Variants in PACSIN2 observed in about 807,000 individuals in gnomAD.
PACSIN2 encodes the protein protein kinase C and casein kinase substrate in neurons protein 2.
PACSIN2 carries 25 observed loss-of-function variants against 63.8 expected under a neutral mutation model. The observed-to-expected ratio is 0.39, with a 90% CI of 0.29 to 0.55. PACSIN2 has a LOEUF of 0.55. Among genes scored for constraint, PACSIN2 ranks in the 20% least tolerant of loss-of-function variants. The probability of loss-of-function intolerance (pLI) is 0.62; values close to 1 mark genes in which losing one functional copy is unlikely to be tolerated. For synonymous variants in PACSIN2, 255 were observed against 256.2 expected (o/e 1.00, Z 0.05); for missense variants, 518 against 646.9 (o/e 0.80, Z 2.16).
Position 42,913,106 on chromosome 22 carries a change from C to A in PACSIN2, c.-77-949G>T, listed in dbSNP as rs936554828. Among the ~76,000 whole-genome samples the A allele has an allele frequency of 2.6e-5, 4 of 152,196 alleles. No homozygotes were observed. The East Asian group carries it at 7.7e-4, about 29-fold the overall frequency. On this transcript the variant is annotated intron_variant, in intron 1 of 10. Transcript: ENST00000263246. The stretch of plus-strand genomic sequence containing the variant: ...AGAGTCAGACTACCTAGGCTTAAAT[C>A]CCAGACCCATTACTTATGAGGTGGG...
At chr22:43,005,911 C>T (rs1924061052) in intron 1 of PACSIN2, among the ~76,000 whole-genome samples, 1 of 152,072 alleles carries the variant, frequency 6.6e-6, no homozygotes, top group Non-Finnish European at 1.5e-5. Flanking sequence ...CCTTTGGAAG[C>T]TAATTAGGCA....
intron 2 of PACSIN2, among the ~76,000 whole-genome samples, chr22:42,903,929 C>T (rs1930879488): frequency 6.6e-6 from 1 of 152,146 alleles, no homozygotes; most frequent in South Asian, 2.1e-4. Flanking sequence ...AAATGGAGCT[C>T]ACTACCCTGA....
At position 42,994,652 on chromosome 22, in the gene PACSIN2, T is replaced by C. The variant is rs116380558; in HGVS notation, c.-78+20369A>G. Among the ~76,000 whole-genome samples the C allele has an allele frequency of 5.2e-3, 787 of 152,274 alleles. 3 individuals carry two copies. Among genetic ancestry groups the C allele is most frequent in the African/African-American group, 0.018 (751 of 41,566 alleles). On this transcript the variant is annotated intron_variant, in intron 1 of 10. Coordinates refer to ENST00000263246, the MANE Select transcript of PACSIN2 (RefSeq NM_001184970.3). ...AGGGTCTCTGTCCCTGTGCATGGCC[T>C]AAAGGGAGAGGCACAAGTTTTAGGG...
intron 1 of PACSIN2, among the ~76,000 whole-genome samples, chr22:42,966,400 C>T (rs1292868730): frequency 1.3e-5 from 2 of 149,906 alleles, no homozygotes; most frequent in Admixed American, 6.7e-5. Context: ...ACTCATCCAA[C>T]ACGTGTACAT....
chr22:42,999,055 A>G (rs1275106619), intron 1 of PACSIN2, among the ~76,000 whole-genome samples: 2 of 152,178 alleles, frequency 1.3e-5, no homozygotes, highest in Non-Finnish European at 2.9e-5. Flanking sequence ...TTCTTCCTGG[A>G]CGCCAGATAA....
intron 3 of PACSIN2, among the ~76,000 whole-genome samples, chr22:42,891,510 C>T (rs1929913398): frequency 6.6e-6 from 1 of 152,146 alleles, no homozygotes; most frequent in South Asian, 2.1e-4. Flanking sequence ...AAGAGATTCT[C>T]CTGCCTCAGC....
Position 43,012,144 on chromosome 22 carries a change from AAAAT to A in PACSIN2, c.-78+2873_-78+2876del, listed in dbSNP as rs545874406. 1.7e-3 allele frequency among the ~76,000 whole-genome samples: 234 copies of A among 136,152 alleles called. 1 individual carries two copies. Among genetic ancestry groups the A allele is most frequent in the South Asian group, 8.4e-3 (36 of 4,294 alleles). 89.3% of individuals were successfully genotyped at this position (136,152 alleles called of 152,430 possible). A position where few individuals can be genotyped will look rare whatever the true frequency, so the allele number is the denominator to read the frequency against. ...GGGCGACAGAGCGAGACTCTGTCTCAAAATAAATAAATACATACATACATACATA... is the reference window on the plus strand; with the variant it reads ...GGGCGACAGAGCGAGACTCTGTCTCAAAATAAATACATACATACATACATA... On this transcript the variant is annotated intron_variant, in intron 1 of 10. Transcript: ENST00000263246.
At chr22:42,963,520 C>T (rs894738115) in intron 1 of PACSIN2, among the ~76,000 whole-genome samples, 2 of 152,216 alleles carry the variant, frequency 1.3e-5, no homozygotes, top group East Asian at 1.9e-4. Flanking sequence ...TCCAGCAAGG[C>T]TGCTGCTTCT....
intron 1 of PACSIN2, among the ~76,000 whole-genome samples, chr22:42,989,871 TATATATATATATATACACACACACACAC>T (rs2146901292): frequency 1.8e-5 from 1 of 56,708 alleles, no homozygotes; most frequent in East Asian, 2.6e-4. Flanking sequence ...AAAAAAAATA[TATATATATATATATACACACACACACAC>T]ATATATGTAT....
At chr22:43,010,480 C>T (rs1392153864) in intron 1 of PACSIN2, among the ~76,000 whole-genome samples, 3 of 151,156 alleles carry the variant, frequency 2.0e-5, no homozygotes, top group Non-Finnish European at 4.4e-5. Context: ...GAGGCAGAGG[C>T]GGGCAGATCA....
intron 1 of PACSIN2, among the ~76,000 whole-genome samples, chr22:42,991,828 A>C (rs971681633): frequency 1.5e-5 from 2 of 133,778 alleles, no homozygotes; most frequent in African/African-American, 5.7e-5. Flanking sequence ...AAAAAAAAAA[A>C]AACCTTCAAT....
intron 1 of PACSIN2, among the ~76,000 whole-genome samples, chr22:42,927,445 C>T (rs56114348): frequency 0.024 from 3,698 of 152,236 alleles, 146 homozygotes; most frequent in African/African-American, 0.086. Context: ...GACAGGGTTT[C>T]GCCATGTTGG....
chr22:42,953,785 C>A (rs914367879), intron 1 of PACSIN2, among the ~76,000 whole-genome samples: 5 of 152,198 alleles, frequency 3.3e-5, no homozygotes, highest in Admixed American at 6.5e-5. Context: ...AACCACTATA[C>A]TATGATGTCT....
At chr22:42,951,936 C>G (rs1933712235) in intron 1 of PACSIN2, among the ~76,000 whole-genome samples, 1 of 152,204 alleles carries the variant, frequency 6.6e-6, no homozygotes, top group African/African-American at 2.4e-5. Flanking sequence ...TTTGCACCTG[C>G]CTCCCCTCTG....
intron 1 of PACSIN2, among the ~76,000 whole-genome samples, chr22:42,995,252 C>T (rs996359473): frequency 6.6e-6 from 1 of 152,238 alleles, no homozygotes; most frequent in Non-Finnish European, 1.5e-5. Context: ...AGAGGAGGAG[C>T]TCTGCTTCTG....
intron 1 of PACSIN2, among the ~76,000 whole-genome samples, chr22:43,009,767 G>C (rs948946963): frequency 2.6e-5 from 4 of 151,850 alleles, no homozygotes; most frequent in African/African-American, 9.7e-5. Context: ...CACCACACAT[G>C]CACTTTCCAA....
chr22:42,876,035 G>C, intron 10 of PACSIN2, 102 bp downstream of exon 10: 1 of 992,610 alleles, frequency 1.0e-6, no homozygotes, highest in South Asian at 1.7e-5. Flanking sequence ...ACTCACAAGT[G>C]AAACTAGCAA....
chr22:43,002,833 G>C (rs1923851060), intron 1 of PACSIN2, among the ~76,000 whole-genome samples: 1 of 152,120 alleles, frequency 6.6e-6, no homozygotes, highest in Non-Finnish European at 1.5e-5. Context: ...ACGTCAACAG[G>C]ATAATATAAC....
intron 1 of PACSIN2, among the ~76,000 whole-genome samples, chr22:42,919,218 A>G (rs1047048876): frequency 7.9e-5 from 12 of 152,196 alleles, no homozygotes; most frequent in Non-Finnish European, 1.2e-4. Context: ...AATGAGTCTC[A>G]GCTCCACCTC....
Sources: allele counts gnomAD v4.1 joint callset (sites outside exome capture counted in the v4.1 genomes callset), GRCh38; gene constraint gnomAD v4.1.1; transcripts MANE v1.5; gene names NCBI Gene and HGNC (gene_info 2026-07-23, HGNC 2026-07-21).